Variants in RBM47 observed in about 807,000 individuals in gnomAD.
RBM47 encodes the protein RNA-binding protein 47.
A neutral mutation model predicts 47.1 loss-of-function variants in RBM47; 21 were observed. That is an observed-to-expected ratio of 0.45 (90% CI 0.32 to 0.64). The LOEUF (loss-of-function observed/expected upper bound fraction) is 0.64, where lower values mean the gene tolerates loss of function less well. Ranked by LOEUF, RBM47 falls within the 30% of genes least tolerant of loss-of-function variation. The probability of loss-of-function intolerance (pLI) is 0.05; values close to 1 mark genes in which losing one functional copy is unlikely to be tolerated. For missense variants in RBM47, 708 were observed against 870.9 expected (o/e 0.81, Z 2.35); for synonymous variants, 375 against 361.7 (o/e 1.04, Z -0.42).
At position 40,495,218 on chromosome 4, in the gene RBM47, C is replaced by T. The variant is rs147346810; in HGVS notation, c.-154-28519G>A. Among the ~76,000 whole-genome samples, 250 of 152,248 alleles carry T rather than the reference C, an allele frequency of 1.6e-3. 2 individuals are homozygous for T. Among genetic ancestry groups the T allele is most frequent in the African/African-American group, 5.6e-3 (231 of 41,542 alleles). ...TATATTACTATGGGGATGGGATGAC[C>T]GAGGTCCCATAGAAATCTCAACTGA... On this transcript the variant is annotated intron_variant, in intron 2 of 6. Transcript: ENST00000295971.
At chr4:40,529,939 T>C (rs1044221458) in intron 2 of RBM47, among the ~76,000 whole-genome samples, 2 of 137,436 alleles carry the variant, frequency 1.5e-5, no homozygotes, top group African/African-American at 5.3e-5. Context: ...CCCTTTTTTT[T>C]TTTTTTTTTT....
At chr4:40,547,313 T>A (rs947493820) in intron 1 of RBM47, among the ~76,000 whole-genome samples, 2 of 152,162 alleles carry the variant, frequency 1.3e-5, no homozygotes, top group African/African-American at 4.8e-5. Context: ...TAAGATTAAA[T>A]GAGGTCACGG....
At chr4:40,580,930 T>C (rs1459079686) in intron 1 of RBM47, among the ~76,000 whole-genome samples, 2 of 152,054 alleles carry the variant, frequency 1.3e-5, no homozygotes, top group African/African-American at 4.8e-5. Flanking sequence ...AAGAGCAATC[T>C]AGGCACAAAC....
At chr4:40,478,521 AG>A (rs1480781087) in intron 2 of RBM47, among the ~76,000 whole-genome samples, 1 of 152,226 alleles carries the variant, frequency 6.6e-6, no homozygotes, top group African/African-American at 2.4e-5. Context: ...ATTTGGAAAA[AG>A]GGGTAAGAAA....
At chr4:40,461,114 A>G (rs1717079246) in intron 3 of RBM47, among the ~76,000 whole-genome samples, 1 of 152,164 alleles carries the variant, frequency 6.6e-6, no homozygotes, top group Non-Finnish European at 1.5e-5. Flanking sequence ...CACTGAACCT[A>G]GAGTATTTAA....
chr4:40,498,738 G>T (rs1037886909), intron 2 of RBM47, among the ~76,000 whole-genome samples: 1 of 150,948 alleles, frequency 6.6e-6, no homozygotes, highest in African/African-American at 2.4e-5. Context: ...GCTTTTGATT[G>T]CAAGAAGGTA....
At chr4:40,574,538 G>C (rs1434008132) in intron 1 of RBM47, among the ~76,000 whole-genome samples, 2 of 152,186 alleles carry the variant, frequency 1.3e-5, no homozygotes, top group South Asian at 2.1e-4. Flanking sequence ...AGATGAAAAA[G>C]TCAAGGAAGC....
intron 3 of RBM47, among the ~76,000 whole-genome samples, chr4:40,464,261 C>G (rs1717618906): frequency 6.6e-6 from 1 of 152,132 alleles, no homozygotes; most frequent in Non-Finnish European, 1.5e-5. Flanking sequence ...CGGTAGTCCC[C>G]CTTCATCTGA....
intron 2 of RBM47, among the ~76,000 whole-genome samples, chr4:40,493,250 T>C (rs1722135053): frequency 6.6e-6 from 1 of 152,046 alleles, no homozygotes. Context: ...CATAGTGTAG[T>C]AGGAGATATA....
At chr4:40,556,711 G>A (rs756767074) in intron 1 of RBM47, among the ~76,000 whole-genome samples, 12 of 151,746 alleles carry the variant, frequency 7.9e-5, no homozygotes, top group African/African-American at 2.4e-4. Context: ...GCAATATGGC[G>A]AAATCTTGTC....
At chr4:40,612,125 TAACAAGAAG>T (rs1174837109) in intron 1 of RBM47, among the ~76,000 whole-genome samples, 1 of 152,212 alleles carries the variant, frequency 6.6e-6, no homozygotes, top group Non-Finnish European at 1.5e-5. Context: ...AATACTGCTT[TAACAAGAAG>T]TCCTGGGGAA....
intron 1 of RBM47, among the ~76,000 whole-genome samples, chr4:40,620,505 CA>C (rs1446853990): frequency 6.7e-6 from 1 of 148,300 alleles, no homozygotes; most frequent in Non-Finnish European, 1.5e-5. Flanking sequence ...GACTCCATCT[CA>C]AAAAAAAACA....
At position 40,623,126 on chromosome 4, in the gene RBM47, G is replaced by A. The variant is rs555873354; in HGVS notation, c.-240+6270C>T. 1.4e-4 allele frequency among the ~76,000 whole-genome samples: 22 copies of A among 152,264 alleles called. 1 individual carries two copies. The South Asian group carries it at 2.9e-3, about 20-fold the overall frequency. ...GCCTCCTGCAGTTCCCACCGGAGAA[G>A]TGACTCCTAGGTTTCAGGCTGGGCT... On this transcript the variant is annotated intron_variant, in intron 1 of 6. Transcript: ENST00000295971.
chr4:40,626,491 A>C (rs1163523278), intron 1 of RBM47, among the ~76,000 whole-genome samples: 1 of 152,202 alleles, frequency 6.6e-6, no homozygotes, highest in Non-Finnish European at 1.5e-5. Context: ...GGTAATCTCC[A>C]TGTGAGCTTT....
chr4:40,555,367 C>G (rs539795168), intron 1 of RBM47, among the ~76,000 whole-genome samples: 3 of 152,222 alleles, frequency 2.0e-5, no homozygotes, highest in African/African-American at 7.2e-5. Context: ...GCACCCAGCC[C>G]CTGACTTTCT....
chr4:40,593,976 C>G (rs1219587741), intron 1 of RBM47, among the ~76,000 whole-genome samples: 1 of 151,646 alleles, frequency 6.6e-6, no homozygotes, highest in African/African-American at 2.4e-5. Flanking sequence ...CGATTGAACC[C>G]AGGAGGCAGA....
chr4:40,562,878 T>C (rs181916409), intron 1 of RBM47, among the ~76,000 whole-genome samples: 1 of 152,228 alleles, frequency 6.6e-6, no homozygotes, highest in Non-Finnish European at 1.5e-5. Flanking sequence ...ACAGCAACAA[T>C]AAAGAATTCC....
At chr4:40,498,506 C>T (rs1398404713) in intron 2 of RBM47, among the ~76,000 whole-genome samples, 7 of 151,782 alleles carry the variant, frequency 4.6e-5, no homozygotes, top group Non-Finnish European at 8.8e-5. Context: ...TGGGGAAACC[C>T]GTCTCTACTA....
chr4:40,441,627 G>A (rs1455781655), intron 3 of RBM47, among the ~76,000 whole-genome samples: 2 of 152,182 alleles, frequency 1.3e-5, no homozygotes, highest in African/African-American at 4.8e-5. Context: ...ACTGACTAAA[G>A]TCCAAGGGAA....
Sources: allele counts gnomAD v4.1 joint callset (sites outside exome capture counted in the v4.1 genomes callset), GRCh38; gene constraint gnomAD v4.1.1; transcripts MANE v1.5; gene names NCBI Gene and HGNC (gene_info 2026-07-23, HGNC 2026-07-21).